Variants in CCM2 observed in about 807,000 individuals in gnomAD.
CCM2 encodes the protein CCM2 scaffold protein, also known as cerebral cavernous malformations 2 protein.
In CCM2, 25 loss-of-function variants were observed where a neutral mutation model predicts 44.9. The observed-to-expected ratio is 0.56, with a 90% CI of 0.41 to 0.78. The LOEUF is 0.78. Among genes scored for constraint, CCM2 ranks in the 30% least tolerant of loss-of-function variants. The pLI, the probability that CCM2 is intolerant of heterozygous loss-of-function variation, is 0.00. For missense variants in CCM2, 481 were observed against 580.6 expected, an observed-to-expected ratio of 0.83 and a Z score of 1.76; for synonymous variants, 219 against 241.1, an observed-to-expected ratio of 0.91 and a Z score of 0.85.
intron 1 of CCM2, among the ~76,000 whole-genome samples, chr7:45,022,296 T>C (rs1305893437): frequency 1.3e-4 from 17 of 126,068 alleles, no homozygotes; most frequent in African/African-American, 4.8e-4. Context: ...CCAGCTTTTT[T>C]TTTTTTTTTT....
intron 1 of CCM2, among the ~76,000 whole-genome samples, chr7:45,031,559 A>G (rs1234858771): frequency 4.6e-5 from 7 of 151,636 alleles, no homozygotes; most frequent in African/African-American, 1.7e-4. Flanking sequence ...CTTTTTAATT[A>G]ATAATTATTA....
At chr7:45,020,701 AG>A (rs1204738383) in intron 1 of CCM2, among the ~76,000 whole-genome samples, 2 of 152,208 alleles carry the variant, frequency 1.3e-5, no homozygotes, top group Non-Finnish European at 2.9e-5. Flanking sequence ...TCAAGAGAAC[AG>A]TTTTTATTAG....
intron 2 of CCM2, among the ~76,000 whole-genome samples, chr7:45,051,722 G>T (rs551705027): frequency 6.6e-6 from 1 of 152,284 alleles, no homozygotes; most frequent in East Asian, 1.9e-4. Context: ...CACCACACAT[G>T]GCTAGTATTT....
chr7:45,023,787 GTTTTTTTTTTTTTTTTTTTTTT>G (rs10596429), intron 1 of CCM2, among the ~76,000 whole-genome samples: 2 of 58,616 alleles, frequency 3.4e-5, no homozygotes, highest in African/African-American at 7.6e-5. Context: ...CTCTGTATCA[GTTTTTTTTTTTTTTTTTTTTTT>G]TTTTTTTTTT....
intron 6 of CCM2, chr7:45,072,235 A>C (rs1324201333): frequency 3.1e-6 from 1 of 327,276 alleles, no homozygotes. Flanking sequence ...GGGTCTTGGG[A>C]ATCCTGTGGC....
At chr7:45,070,291 G>A in intron 6 of CCM2, 1 of 382,280 alleles carries the variant, frequency 2.6e-6, no homozygotes, top group Non-Finnish European at 5.1e-6. Context: ...CTAGCACTGG[G>A]GCCTGTGATG....
chr7:45,000,825 CATTG>C (rs1795584821), intron 1 of CCM2, among the ~76,000 whole-genome samples: 1 of 152,182 alleles, frequency 6.6e-6, no homozygotes, highest in South Asian at 2.1e-4. Context: ...GACCTAAAAC[CATTG>C]ATTGATTTTA....
Position 45,074,383 on chromosome 7 carries a change from G to T in CCM2, c.1029G>T (p.Gly343=). 1.2e-6 allele frequency: 2 copies of T among 1,613,528 alleles called. No homozygotes were observed. The highest frequency in any genetic ancestry group is 1.7e-6 in the Non-Finnish European group (2 of 1,179,946). ...GCATCAACCTGCGGCAGCTCTACGG[G>T]GACAGCCGCAAGTTCCTGCTGCTTG... is the stretch of plus-strand genomic sequence containing the variant. ...EFCINLRQLY[G]DSRKFLLLGL... Residue 343 remains glycine, a synonymous_variant, in exon 9 of 10, where the codon GGG becomes GGT. Transcript: ENST00000258781.
intron 1 of CCM2, among the ~76,000 whole-genome samples, chr7:45,017,484 T>C (rs1796312200): frequency 6.6e-6 from 1 of 152,228 alleles, no homozygotes; most frequent in Non-Finnish European, 1.5e-5. Context: ...TTCCTATTGC[T>C]TATCCAGGAC....
chr7:45,014,264 C>T (rs931017318), intron 1 of CCM2, among the ~76,000 whole-genome samples: 5 of 152,070 alleles, frequency 3.3e-5, no homozygotes, highest in African/African-American at 4.8e-5. Context: ...CTCAGCCTCC[C>T]GAGCAGCTGG....
chr7:45,075,281 A>G (rs1484244082), intron 9 of CCM2, among the ~76,000 whole-genome samples: 2 of 152,240 alleles, frequency 1.3e-5, no homozygotes, highest in Non-Finnish European at 2.9e-5. Context: ...GGCTTCCCAA[A>G]TAAGAGGGCA....
chr7:45,068,308 C>G, intron 4 of CCM2, 135 bp from the exon 5 acceptor site: 1 of 1,127,922 alleles, frequency 8.9e-7, no homozygotes, highest in East Asian at 2.4e-5. Flanking sequence ...GGCCCTTCAC[C>G]TGAGTCGTTC....
chr7:45,016,316 C>A (rs1277134392), intron 1 of CCM2, among the ~76,000 whole-genome samples: 1 of 152,190 alleles, frequency 6.6e-6, no homozygotes, highest in African/African-American at 2.4e-5. Context: ...ACTGAACAGA[C>A]ATGCAATTTA....
chr7:45,023,801 T>TTTTTG (rs1796578644), intron 1 of CCM2, among the ~76,000 whole-genome samples: 1 of 133,310 alleles, frequency 7.5e-6, no homozygotes, highest in Non-Finnish European at 1.6e-5. Context: ...TTTTTTTTTT[T>TTTTTG]TTTTTTTTTT....
intron 1 of CCM2, among the ~76,000 whole-genome samples, chr7:45,034,157 G>A (rs1797097718): frequency 6.6e-6 from 1 of 152,052 alleles, no homozygotes; most frequent in Non-Finnish European, 1.5e-5. Context: ...GGCAGCACAA[G>A]GCCACATGCT....
In CCM2 at chr7:45,076,093, GC is replaced by G; in HGVS notation, c.*37del. 6.2e-7 allele frequency: 1 copy of G among 1,611,646 alleles called. No homozygotes were observed. Among genetic ancestry groups the G allele is most frequent in the Non-Finnish European group, 8.5e-7 (1 of 1,179,848 alleles). On this transcript the variant is annotated 3_prime_UTR_variant, in exon 10 of 10. Coordinates refer to ENST00000258781, the MANE Select transcript of CCM2 (RefSeq NM_031443.4). Reference sequence around the variant, plus strand: ...ATGGGGGGGCACCCACACCTTCCGCGCAGTCGTCATAGGCCTTCCCAGAAGG... The same window carrying G: ...ATGGGGGGGCACCCACACCTTCCGCGAGTCGTCATAGGCCTTCCCAGAAGG...
chr7:45,063,713 G>A (rs1035695627), intron 2 of CCM2, among the ~76,000 whole-genome samples: 3 of 152,112 alleles, frequency 2.0e-5, no homozygotes, highest in Non-Finnish European at 4.4e-5. Flanking sequence ...TAGGAGATGG[G>A]GCAGCACTGT....
chr7:45,063,877 C>T, intron 2 of CCM2, 41 bp from the exon 3 acceptor site: 1 of 1,362,102 alleles, frequency 7.3e-7, no homozygotes, highest in Non-Finnish European at 1.1e-6. Context: ...GTTGGCTCAG[C>T]TCCCATTTCT....
chr7:45,039,356 C>G (rs981938446), intron 2 of CCM2, among the ~76,000 whole-genome samples: 1 of 152,190 alleles, frequency 6.6e-6, no homozygotes, highest in Non-Finnish European at 1.5e-5. Flanking sequence ...GCCTTTCCCA[C>G]AAAGGAATTC....
Sources: allele counts gnomAD v4.1 joint callset (sites outside exome capture counted in the v4.1 genomes callset), GRCh38; gene constraint gnomAD v4.1.1; transcripts MANE v1.5; gene names NCBI Gene and HGNC (gene_info 2026-07-23, HGNC 2026-07-21).